CERS3: variants seen among roughly 807,000 people sequenced by gnomAD.
CERS3 encodes ceramide synthase 3.
A neutral mutation model predicts 50.3 loss-of-function variants in CERS3; 33 were observed. The ratio of observed to expected loss-of-function variants is 0.66; its 90% CI spans 0.50 to 0.88. CERS3 has a LOEUF of 0.88. CERS3 is among the 40% of genes least tolerant of loss of function. CERS3 has a pLI of 0.00. For missense variants in CERS3, 470 were observed against 460.3 expected (o/e 1.02, Z -0.19); for synonymous variants, 176 against 155.2 (o/e 1.13, Z -0.99).
chr15:100,526,237 G>T (rs947666560), intron 1 of CERS3, among the ~76,000 whole-genome samples: 6 of 152,204 alleles, frequency 3.9e-5, no homozygotes, highest in Non-Finnish European at 8.8e-5. Flanking sequence ...GTGTACACCT[G>T]CAGGTCAATC....
chr15:100,517,524 A>G (rs1482557562), intron 2 of CERS3, among the ~76,000 whole-genome samples: 9 of 152,204 alleles, frequency 5.9e-5, no homozygotes, highest in Admixed American at 1.3e-4. Context: ...GAATCATTTT[A>G]TGAAAAAGAG....
chr15:100,491,646 A>G (rs2035655649), intron 3 of CERS3, among the ~76,000 whole-genome samples: 1 of 152,094 alleles, frequency 6.6e-6, no homozygotes, highest in South Asian at 2.1e-4. Flanking sequence ...GTTAAGGTGG[A>G]ACTTTACATT....
intron 1 of CERS3, among the ~76,000 whole-genome samples, chr15:100,535,167 G>A (rs2037039576): frequency 1.3e-5 from 2 of 152,166 alleles, no homozygotes; most frequent in Admixed American, 1.3e-4. Flanking sequence ...ACCTATCTCA[G>A]ATTTTGGCAT....
At chr15:100,425,421 C>T (rs1050231547) in intron 11 of CERS3, among the ~76,000 whole-genome samples, 1 of 152,182 alleles carries the variant, frequency 6.6e-6, no homozygotes, top group African/African-American at 2.4e-5. Flanking sequence ...GTATCAGTGT[C>T]GTCTGAATGT....
intron 5 of CERS3, among the ~76,000 whole-genome samples, chr15:100,483,214 C>A (rs1409615190): frequency 1.3e-5 from 2 of 152,190 alleles, no homozygotes; most frequent in African/African-American, 4.8e-5. Flanking sequence ...TAAATTCCCA[C>A]GACACATCTA....
chr15:100,500,516 A>G (rs2142326060), intron 3 of CERS3: 1 of 152,362 alleles, frequency 6.6e-6, no homozygotes, highest in South Asian at 2.1e-4. Context: ...TGCAATGGAA[A>G]TAAGTAATGG....
chr15:100,452,460 A>G (rs772275044), intron 11 of CERS3, among the ~76,000 whole-genome samples: 15 of 152,204 alleles, frequency 9.9e-5, no homozygotes, highest in Admixed American at 2.0e-4. Flanking sequence ...GAAACAAGTG[A>G]AAATCAAAAC....
chr15:100,461,441 T>C (rs1271537968), intron 10 of CERS3, among the ~76,000 whole-genome samples: 1 of 152,210 alleles, frequency 6.6e-6, no homozygotes, highest in Non-Finnish European at 1.5e-5. Flanking sequence ...CAATCAGGGC[T>C]CCCAGGATCT....
chr15:100,446,706 G>C (rs567346017), intron 11 of CERS3, among the ~76,000 whole-genome samples: 2 of 152,222 alleles, frequency 1.3e-5, no homozygotes, highest in African/African-American at 4.8e-5. Context: ...GATCCTTAAT[G>C]AAAACTCCCT....
intron 6 of CERS3, 166 bp from the exon 7 acceptor site, chr15:100,479,644 T>A (rs1373617052): frequency 1.6e-6 from 1 of 608,434 alleles, no homozygotes; most frequent in African/African-American, 1.9e-5. Context: ...TTGCACGTAT[T>A]TCTCCCTCTG....
chr15:100,416,843 A>G (rs957411541), intron 11 of CERS3, among the ~76,000 whole-genome samples: 7 of 152,224 alleles, frequency 4.6e-5, no homozygotes, highest in Non-Finnish European at 1.5e-5. Context: ...AGGGTCTAAT[A>G]TCCAAAATCT....
chr15:100,480,027 A>C lies in CERS3; in HGVS notation c.427T>G (p.Leu143Val). The C allele has an allele frequency of 6.2e-7, 1 of 1,611,510 alleles. No individual in the cohort carries two copies. Among genetic ancestry groups the C allele is most frequent in the Non-Finnish European group, 8.5e-7 (1 of 1,178,856 alleles). ...GCAATTCCAGCAACAGTGATCATTA[A>C]GTAAAATGCAAATCTCCAGCTGCCA... is the stretch of plus-strand genomic sequence containing the variant. ...QEACWRFAFY[L>V]MITVAGIAFL... is the part of the protein sequence containing the mutation. Residue 143 changes from leucine (L) to valine (V), a missense_variant, in exon 6 of 12, where the codon TTA becomes GTA. Coordinates refer to ENST00000679737, the MANE Select transcript of CERS3 (RefSeq NM_001378789.1).
At chr15:100,431,448 C>T (rs1257030639) in intron 11 of CERS3, among the ~76,000 whole-genome samples, 1 of 152,054 alleles carries the variant, frequency 6.6e-6, no homozygotes, top group Non-Finnish European at 1.5e-5. Context: ...GAATTTTTAT[C>T]AGTTTTTTTT....
At chr15:100,502,551 G>T (rs939630948) in intron 2 of CERS3, among the ~76,000 whole-genome samples, 3 of 152,188 alleles carry the variant, frequency 2.0e-5, no homozygotes, top group Non-Finnish European at 4.4e-5. Flanking sequence ...GAAGGCTCCA[G>T]GTAGGTACAA....
chr15:100,481,603 A>G (rs1222850715), intron 5 of CERS3, among the ~76,000 whole-genome samples: 6 of 152,270 alleles, frequency 3.9e-5, no homozygotes, highest in Non-Finnish European at 8.8e-5. Flanking sequence ...CTGCGCACAC[A>G]TGCGCTATGT....
chr15:100,429,374 G>A (rs1049511228), intron 11 of CERS3, among the ~76,000 whole-genome samples: 5 of 152,270 alleles, frequency 3.3e-5, no homozygotes, highest in Non-Finnish European at 7.3e-5. Context: ...GGGGTATTAC[G>A]TAAGAAACAG....
chr15:100,405,599 T>C (rs1279409307), intron 11 of CERS3, among the ~76,000 whole-genome samples: 1 of 152,214 alleles, frequency 6.6e-6, no homozygotes, highest in African/African-American at 2.4e-5. Context: ...AAATATGATC[T>C]ATTGTACAAC....
intron 11 of CERS3, among the ~76,000 whole-genome samples, chr15:100,405,651 T>C (rs1001325823): frequency 1.3e-5 from 2 of 152,140 alleles, no homozygotes; most frequent in East Asian, 3.8e-4. Flanking sequence ...AAGATAAAAC[T>C]ATAGGGATGG....
Position 100,469,370 on chromosome 15 carries a change from C to T in CERS3, c.845+8G>A. The T allele has an allele frequency of 2.5e-6, 4 of 1,608,762 alleles. No homozygotes were observed. Among genetic ancestry groups the T allele is most frequent in the Non-Finnish European group, 3.4e-6 (4 of 1,175,260 alleles). ...ACCAAAGGCAGGGCACATCACCGGT[C>T]TACTCACCAGAAAGGAAAAACAATG... is the stretch of plus-strand genomic sequence containing the variant. On this transcript the variant is annotated splice_region_variant and intron_variant, in intron 10 of 11. Transcript: ENST00000679737.
Sources: allele counts gnomAD v4.1 joint callset (sites outside exome capture counted in the v4.1 genomes callset), GRCh38; gene constraint gnomAD v4.1.1; transcripts MANE v1.5; gene names NCBI Gene and HGNC (gene_info 2026-07-23, HGNC 2026-07-21).